The following PSMD3 variants were observed in gnomAD, a reference collection of about 807,000 sequenced individuals.
PSMD3 encodes proteasome 26S subunit, non-ATPase 3.
In PSMD3, 5 loss-of-function variants were observed where a neutral mutation model predicts 62.8. That is an observed-to-expected ratio of 0.08 (90% CI 0.04 to 0.17). The LOEUF is 0.17. PSMD3 is among the 10% of genes least tolerant of loss of function. The pLI, the probability that PSMD3 is intolerant of heterozygous loss-of-function variation, is 1.00. For missense variants in PSMD3, 524 were observed against 713.6 expected, an observed-to-expected ratio of 0.73 and a Z score of 3.03; for synonymous variants, 265 against 283.9, an observed-to-expected ratio of 0.93 and a Z score of 0.67.
At chr17:39,992,647 C>CT (rs1351137200) in intron 6 of PSMD3, among the ~76,000 whole-genome samples, 1 of 152,202 alleles carries the variant, frequency 6.6e-6, no homozygotes, top group Non-Finnish European at 1.5e-5. Flanking sequence ...CCTGTCTTTA[C>CT]TTAACACCAG....
chr17:39,984,353 G>A lies in PSMD3; in HGVS notation c.280G>A (p.Val94Met). Residue 94 changes from valine (V) to methionine (M), a missense_variant, in exon 2 of 12, where the codon GTG becomes ATG. Physicochemically the swap from Val to Met is conservative, Grantham distance 21. This residue lies in a region of PSMD3 where 396 missense variants were observed against 475.8 expected (regional missense o/e 0.83). Transcript: ENST00000264639. ...KAVSGKEPRF[V>M]LRALRMLPST... ...GGTTTCAGGCAAGGAGCCGAGATTC[G>A]TGCTGCGGGCCCTGCGGATGCTGCC... 2.5e-6 allele frequency: 4 copies of A among 1,613,786 alleles called. No homozygotes were observed. The highest frequency in any genetic ancestry group is 3.4e-6 in the Non-Finnish European group (4 of 1,180,020).
At position 39,988,777 on chromosome 17, in the gene PSMD3, C is replaced by T. The variant is rs1486947609; in HGVS notation, c.644C>T (p.Ala215Val). Residue 215 changes from alanine to valine, a missense_variant, in exon 4 of 12, where the codon GCC becomes GTC. Transcript: ENST00000264639. ...LVAAKCYYYH[A>V]RVYEFLDKLD... ...GCCGCAAAGTGTTACTATTATCACG[C>T]CCGGGTCTATGAGTTCCTGGACAAG... is the stretch of plus-strand genomic sequence containing the variant. 1 of 1,614,116 alleles carries T rather than the reference C, an allele frequency of 6.2e-7. No homozygotes were observed. The highest frequency in any genetic ancestry group is 2.2e-5 in the East Asian group (1 of 44,890).
rs1980619508 is a variant in PSMD3, at chr17:39,990,100, T to G, written c.884T>G (p.Ile295Ser). The G allele has an allele frequency of 6.2e-7, 1 of 1,613,750 alleles. No individual in the cohort carries two copies. The highest frequency in any genetic ancestry group is 8.5e-7 in the Non-Finnish European group (1 of 1,179,904). The change falls in exon 6 of 12, where the codon ATC becomes AGC. Residue 295 changes from isoleucine (I) to serine (S), a missense_variant. This residue lies in a region of PSMD3 where 396 missense variants were observed against 475.8 expected (regional missense o/e 0.83). Coordinates refer to ENST00000264639, the MANE Select transcript of PSMD3 (RefSeq NM_002809.4). ...WARYLYYTGR[I>S]KAIQLEYSEA... ...TCCTCTCCTCCACTCCCAGGGCGAA[T>G]CAAAGCCATCCAGCTGGAGTACTCA...
chr17:39,988,123 A>G (rs942227677), intron 3 of PSMD3, among the ~76,000 whole-genome samples: 1 of 152,076 alleles, frequency 6.6e-6, no homozygotes, highest in African/African-American at 2.4e-5. Flanking sequence ...AATAAAGTAT[A>G]CTACAATTGA....
intron 1 of PSMD3, among the ~76,000 whole-genome samples, chr17:39,982,745 A>G (rs958434169): frequency 6.6e-6 from 1 of 152,238 alleles, no homozygotes; most frequent in Non-Finnish European, 1.5e-5. Context: ...CTAATCGGTG[A>G]ATATACAGAA....
chr17:39,980,928 GC>G lies in PSMD3; in HGVS notation c.-39del. ...TCCCCGGTGCGAGGGTTAACGCGAG[GC>G]CCCGGCCTCGGTCCCCGGACTAGGC... On this transcript the variant is annotated 5_prime_UTR_variant, in exon 1 of 12. Coordinates refer to ENST00000264639, the MANE Select transcript of PSMD3 (RefSeq NM_002809.4). 1.4e-6 allele frequency: 2 copies of G among 1,455,762 alleles called. No homozygotes were observed. The highest frequency in any genetic ancestry group is 1.8e-6 in the Non-Finnish European group (2 of 1,105,524). The allele number at this position is 1,455,762 out of a possible 1,614,324, so 90.2% of individuals were successfully genotyped here.
At chr17:39,984,779 C>A (rs1025585301) in intron 2 of PSMD3, among the ~76,000 whole-genome samples, 1 of 152,154 alleles carries the variant, frequency 6.6e-6, no homozygotes, top group Non-Finnish European at 1.5e-5. Flanking sequence ...CTCTGTTGTT[C>A]TAGGAGAGAG....
In PSMD3 at chr17:39,997,344, T is replaced by C; in HGVS notation, c.1491T>C (p.Pro497=). The C allele has an allele frequency of 6.2e-7, 1 of 1,614,138 alleles. No homozygotes were observed. Among genetic ancestry groups the C allele is most frequent in the East Asian group, 2.2e-5 (1 of 44,886 alleles). The stretch of plus-strand genomic sequence containing the variant: ...CTGTGCCCCAGGCCATGAGGTTTCC[T>C]CCCAAATCGTACAACAAGGACTTGG... The part of the protein sequence containing the change: ...HNMSVKAMRF[P]PKSYNKDLES... Residue 497 remains proline (P), a synonymous_variant, in exon 11 of 12, where the codon CCT becomes CCC. Coordinates refer to ENST00000264639, the MANE Select transcript of PSMD3 (RefSeq NM_002809.4).
rs556922282 is a variant in PSMD3 at position 39,989,787 on chromosome 17, C to T, written c.735C>T (p.Asp245=). Residue 245 remains aspartate, a synonymous_variant, in exon 5 of 12, where the codon GAC becomes GAT. Transcript: ENST00000264639. The part of the protein sequence containing the change: ...LRTATLRHDA[D]GQATLLNLLL... ...CAGCTACGCTTCGGCATGACGCAGA[C>T]GGGCAGGCCACCCTGTTGAACCTCC... 31 of 1,614,130 alleles carry T rather than the reference C, an allele frequency of 1.9e-5. No homozygotes were observed. The Admixed American group carries it at 2.2e-4, about 11-fold the overall frequency.
rs1276189190 is a variant in PSMD3 at position 39,988,859 on chromosome 17, CAG to C, written c.686+44_686+45del. The C allele has an allele frequency of 2.5e-6, 4 of 1,606,056 alleles. No individual in the cohort carries two copies. The African/African-American group carries it at 5.3e-5, about 21-fold the overall frequency. On this transcript the variant is annotated intron_variant, in intron 4 of 11. Coordinates refer to ENST00000264639, the MANE Select transcript of PSMD3 (RefSeq NM_002809.4). ...GCATCTCACTTGGGGTCCGTGGGGTCAGAGACTTGGTCAGTCACAAGCACACA... is the reference window on the plus strand; with the variant it reads ...GCATCTCACTTGGGGTCCGTGGGGTCAGACTTGGTCAGTCACAAGCACACA...
In PSMD3 at chr17:39,989,871, G is replaced by A; in HGVS notation, c.819G>A (p.Lys273=). 16 of 1,614,204 alleles carry A rather than the reference G, an allele frequency of 9.9e-6. No individual in the cohort carries two copies. The highest frequency in any genetic ancestry group is 1.4e-5 in the Non-Finnish European group (16 of 1,180,040). The stretch of plus-strand genomic sequence containing the variant: ...ACCAGGCTGAGAAGCTGGTGTCCAA[G>A]TCTGTGTTCCCAGAGCAGGCCAACA... ...LYDQAEKLVS[K]SVFPEQANNN... is the part of the protein sequence containing the mutation. The change falls in exon 5 of 12, where the codon AAG becomes AAA. Residue 273 remains lysine (K), a synonymous_variant. Coordinates refer to ENST00000264639, the MANE Select transcript of PSMD3 (RefSeq NM_002809.4).
In PSMD3 at chr17:39,992,604, C is replaced by T. The variant is rs140181142; in HGVS notation, c.982-2350C>T. ...CTGCAGCCACCTTGTCTCTTGTAAA[C>T]TTGAATGTCTCTCTCCGCCCATTTT... is the stretch of plus-strand genomic sequence containing the variant. On this transcript the variant is annotated intron_variant, in intron 6 of 11. Coordinates refer to ENST00000264639, the MANE Select transcript of PSMD3 (RefSeq NM_002809.4). 2.8e-3 allele frequency among the ~76,000 whole-genome samples: 423 copies of T among 152,334 alleles called. 3 individuals are homozygous for T. In the Middle Eastern group the frequency reaches 0.065, roughly 23 times the overall value.
rs1184538016 is a variant in PSMD3 at position 39,997,358 on chromosome 17, A to G, written c.1505A>G (p.Asn502Ser). Reference sequence around the variant, plus strand: ...ATGAGGTTTCCTCCCAAATCGTACAACAAGGACTTGGAGTCTGCAGAGGTA... The same window carrying G: ...ATGAGGTTTCCTCCCAAATCGTACAGCAAGGACTTGGAGTCTGCAGAGGTA... ...KAMRFPPKSY[N>S]KDLESAEERR... The change falls in exon 11 of 12, where the codon AAC becomes AGC. Residue 502 changes from asparagine (N) to serine (S), a missense_variant. Asn to Ser is a conservative substitution (Grantham distance 46, BLOSUM62 1). Around this residue, in one of 4 missense-constraint regions of PSMD3, gnomAD observed 20 missense variants for 55.1 expected, o/e 0.36. Transcript: ENST00000264639. The G allele has an allele frequency of 1.9e-6, 3 of 1,614,118 alleles. No homozygotes were observed. The highest frequency in any genetic ancestry group is 1.7e-6 in the Non-Finnish European group (2 of 1,180,008).
chr17:39,986,535 C>T, intron 2 of PSMD3, 40 bp from the exon 3 acceptor site: 1 of 1,607,680 alleles, frequency 6.2e-7, no homozygotes, highest in Non-Finnish European at 8.5e-7. Context: ...GTTACTTGAT[C>T]AGACTGAGCT....
At chr17:39,987,336 A>G (rs1378178674) in intron 3 of PSMD3, among the ~76,000 whole-genome samples, 1 of 151,698 alleles carries the variant, frequency 6.6e-6, no homozygotes, top group Non-Finnish European at 1.5e-5. Flanking sequence ...TCCTTACCAC[A>G]CTATTTTTGG....
intron 4 of PSMD3, 139 bp from the exon 5 acceptor site, chr17:39,989,600 G>C: frequency 1.2e-6 from 1 of 824,110 alleles, no homozygotes; most frequent in Non-Finnish European, 1.9e-6. Flanking sequence ...TTAGGCACTC[G>C]ATAGTTAACA....
At chr17:39,987,578 G>A (rs893851134) in intron 3 of PSMD3, among the ~76,000 whole-genome samples, 2 of 152,092 alleles carry the variant, frequency 1.3e-5, no homozygotes, top group Admixed American at 6.6e-5. Flanking sequence ...CAACCCCTGG[G>A]CTCAAGTGAT....
At chr17:39,984,025 C>T (rs897046074) in intron 1 of PSMD3, among the ~76,000 whole-genome samples, 1 of 151,986 alleles carries the variant, frequency 6.6e-6, no homozygotes, top group East Asian at 1.9e-4. Context: ...CGGTGAAACC[C>T]CGTCTCTACT....
At chr17:39,994,840 A>AGC in intron 6 of PSMD3, 114 bp from the exon 7 acceptor site, 1 of 873,956 alleles carries the variant, frequency 1.1e-6, no homozygotes, top group African/African-American at 1.7e-5. Flanking sequence ...GGGCCTAAAC[A>AGC]GTGATCCCTT....
Sources: allele counts gnomAD v4.1 joint callset (sites outside exome capture counted in the v4.1 genomes callset), GRCh38; gene constraint gnomAD v4.1.1; regional missense constraint gnomAD v4.1.1; transcripts MANE v1.5; gene names NCBI Gene and HGNC (gene_info 2026-07-23, HGNC 2026-07-21).